The following CHN2 variants were observed in gnomAD, a reference collection of about 807,000 sequenced individuals.
CHN2 encodes the protein chimerin 2.
In CHN2, 35 loss-of-function variants were observed where a neutral mutation model predicts 56.3. That is an observed-to-expected ratio of 0.62 (90% confidence interval 0.47 to 0.82). The LOEUF is 0.82. CHN2 is among the 40% of genes least tolerant of loss of function. CHN2 has a pLI of 0.00. For missense variants in CHN2, 491 were observed against 580.5 expected, an observed-to-expected ratio of 0.85 and a Z score of 1.58; for synonymous variants, 210 against 212.8, an observed-to-expected ratio of 0.99 and a Z score of 0.12.
intron 6 of CHN2, among the ~76,000 whole-genome samples, chr7:29,438,854 T>C (rs904335900): frequency 6.6e-6 from 1 of 152,230 alleles, no homozygotes; most frequent in Non-Finnish European, 1.5e-5. Flanking sequence ...AAACAGACAG[T>C]TGTACATTGT....
chr7:29,401,244 G>A (rs565218840), intron 6 of CHN2: 1 of 164,776 alleles, frequency 6.1e-6, no homozygotes, highest in African/African-American at 2.4e-5. Flanking sequence ...CTCCAGTCTG[G>A]GCAACAGAGC....
rs1783543909 is a variant in CHN2 at position 29,195,319 on chromosome 7, C to A, written c.49+329C>A. 3 of 309,916 alleles carry A rather than the reference C, an allele frequency of 9.7e-6. No homozygotes were observed. In the South Asian group the frequency reaches 2.4e-4, roughly 24 times the overall value. The allele number at this position is 309,916 out of a possible 1,614,324, so 19.2% of individuals were successfully genotyped here. A position where few individuals can be genotyped will look rare whatever the true frequency, so the allele number is the denominator to read the frequency against. On this transcript the variant is annotated intron_variant, in intron 1 of 12. Coordinates refer to ENST00000222792, the MANE Select transcript of CHN2 (RefSeq NM_004067.4). ...CTGGCGCAGCTGGAGCGGGGGCTGGCGGGGCGGAGAAGGTTGGGGTGAAGC... is the reference window on the plus strand; with the variant it reads ...CTGGCGCAGCTGGAGCGGGGGCTGGAGGGGCGGAGAAGGTTGGGGTGAAGC...
intron 1 of CHN2, among the ~76,000 whole-genome samples, chr7:29,206,699 A>G (rs890920927): frequency 2.6e-5 from 4 of 152,208 alleles, no homozygotes; most frequent in Non-Finnish European, 5.9e-5. Flanking sequence ...AGCACATTTC[A>G]GGAGTGAATA....
chr7:29,282,024 C>T (rs925147401), intron 1 of CHN2, among the ~76,000 whole-genome samples: 32 of 152,032 alleles, frequency 2.1e-4, no homozygotes, highest in African/African-American at 7.3e-4. Flanking sequence ...TCGGCAGTGG[C>T]GTGATAGAAC....
intron 6 of CHN2, among the ~76,000 whole-genome samples, chr7:29,446,528 A>C (rs529463655): frequency 6.6e-6 from 1 of 152,266 alleles, no homozygotes; most frequent in South Asian, 2.1e-4. Flanking sequence ...CCCTGAGAGA[A>C]TGTCCAGGCA....
At chr7:29,462,361 G>A (rs1010715389) in intron 6 of CHN2, among the ~76,000 whole-genome samples, 10 of 152,146 alleles carry the variant, frequency 6.6e-5, no homozygotes, top group African/African-American at 2.2e-4. Flanking sequence ...ATTGTCTTAC[G>A]GTTGCATGTT....
At chr7:29,293,334 C>T (rs1417442361) in intron 1 of CHN2, among the ~76,000 whole-genome samples, 1 of 149,018 alleles carries the variant, frequency 6.7e-6, no homozygotes, top group Non-Finnish European at 1.5e-5. Flanking sequence ...ATCACTCTAC[C>T]TACACCCTTC....
intron 3 of CHN2, 97 bp from the exon 4 acceptor site, chr7:29,393,582 T>C (rs925532063): frequency 1.8e-6 from 1 of 560,330 alleles, no homozygotes; most frequent in Non-Finnish European, 3.0e-6. Flanking sequence ...GTAATAAAAT[T>C]ACTACCAGGA....
intron 1 of CHN2, among the ~76,000 whole-genome samples, chr7:29,208,129 A>G (rs1372301440): frequency 6.6e-6 from 1 of 152,190 alleles, no homozygotes; most frequent in African/African-American, 2.4e-5. Context: ...TGTTAATTGG[A>G]GGAAGATTGG....
chr7:29,302,247 T>G (rs1245171280), intron 1 of CHN2, among the ~76,000 whole-genome samples: 8 of 144,364 alleles, frequency 5.5e-5, no homozygotes, highest in Admixed American at 1.4e-4. Flanking sequence ...TACTTCTGCT[T>G]CTTCTGCTGC....
intron 1 of CHN2, among the ~76,000 whole-genome samples, chr7:29,301,690 T>C (rs538956311): frequency 6.6e-6 from 1 of 152,176 alleles, no homozygotes; most frequent in Non-Finnish European, 1.5e-5. Context: ...ATATGAATTA[T>C]ACTACTCACC....
At chr7:29,468,968 A>G (rs1434587513) in intron 6 of CHN2, among the ~76,000 whole-genome samples, 1 of 152,144 alleles carries the variant, frequency 6.6e-6, no homozygotes, top group Non-Finnish European at 1.5e-5. Flanking sequence ...CTGTCTCTTC[A>G]GGAACCTCAG....
chr7:29,332,193 A>G (rs1009836455), intron 1 of CHN2, among the ~76,000 whole-genome samples: 9 of 152,144 alleles, frequency 5.9e-5, no homozygotes. Context: ...AGCTCCACCC[A>G]AGCTTGGCCC....
At chr7:29,203,588 A>T (rs1784316132) in intron 1 of CHN2, among the ~76,000 whole-genome samples, 1 of 152,054 alleles carries the variant, frequency 6.6e-6, no homozygotes, top group South Asian at 2.1e-4. Flanking sequence ...TTGAAGTTAC[A>T]TGCGTGGCTT....
intron 6 of CHN2, among the ~76,000 whole-genome samples, chr7:29,458,311 T>C (rs566564690): frequency 4.6e-5 from 7 of 152,034 alleles, no homozygotes; most frequent in African/African-American, 1.7e-4. Context: ...AGACAAGTTA[T>C]ACAACTAGAT....
At chr7:29,197,716 T>C (rs1248145730) in intron 1 of CHN2, among the ~76,000 whole-genome samples, 1 of 152,184 alleles carries the variant, frequency 6.6e-6, no homozygotes, top group Non-Finnish European at 1.5e-5. Context: ...CCTGAGTGTT[T>C]GGCATGGAAA....
intron 6 of CHN2, among the ~76,000 whole-genome samples, chr7:29,402,204 G>A (rs1017061791): frequency 6.6e-6 from 1 of 152,214 alleles, no homozygotes; most frequent in Admixed American, 6.5e-5. Context: ...CCGTGGTCCC[G>A]TTGGTGGAGA....
At chr7:29,441,203 G>C (rs989213744) in intron 6 of CHN2, among the ~76,000 whole-genome samples, 1 of 152,052 alleles carries the variant, frequency 6.6e-6, no homozygotes, top group African/African-American at 2.4e-5. Flanking sequence ...GCATTCAATG[G>C]GAGAAAGAAT....
At chr7:29,191,288 C>G (rs756017592), upstream of CHN2, among the ~76,000 whole-genome samples, 1 of 152,150 alleles carries the variant, frequency 6.6e-6, no homozygotes, top group Non-Finnish European at 1.5e-5. Flanking sequence ...TAAAATAAGA[C>G]AGAGCATGAG....
Sources: gnomAD v4.1 joint callset for allele counts (sites outside exome capture counted in the v4.1 genomes callset) on GRCh38, gnomAD v4.1.1 for gene constraint, MANE v1.5 for transcripts, NCBI Gene and HGNC (gene_info 2026-07-23, HGNC 2026-07-21) for gene names.